The following ZNF561 variants were observed in gnomAD, a reference collection of about 807,000 sequenced individuals.
The protein encoded by ZNF561 is zinc finger protein 561.
Under a neutral mutation model 16.7 loss-of-function variants are expected in ZNF561, and 16 were observed. The observed-to-expected ratio is 0.96, with a 90% CI of 0.65 to 1.45. ZNF561 has a LOEUF of 1.45. Ranked by LOEUF, ZNF561 falls within the 40% of genes most tolerant of loss-of-function variation. ZNF561 has a pLI of 0.00. For synonymous variants in ZNF561, 190 were observed against 192.1 expected (o/e 0.99, Z 0.09); for missense variants, 580 against 578.0 (o/e 1.00, Z -0.04).
At chr19:9,613,110 G>T (rs1313030718) in intron 5 of ZNF561, among the ~76,000 whole-genome samples, 1 of 152,092 alleles carries the variant, frequency 6.6e-6, no homozygotes, top group Non-Finnish European at 1.5e-5. Flanking sequence ...AGATTTTCAT[G>T]AAACTGTGTA....
intron 5 of ZNF561, among the ~76,000 whole-genome samples, chr19:9,612,808 G>T (rs1356999874): frequency 6.6e-6 from 1 of 152,088 alleles, no homozygotes; most frequent in Non-Finnish European, 1.5e-5. Flanking sequence ...ATTATGCAGG[G>T]TGGTTTGAGA....
In ZNF561 at chr19:9,610,225, C is replaced by A; in HGVS notation, c.1436G>T (p.Cys479Phe). The change falls in exon 6 of 6, where the codon TGC (cysteine) becomes TTC (phenylalanine). Residue 479 changes from cysteine to phenylalanine, a missense_variant. Coordinates refer to ENST00000302851, the MANE Select transcript of ZNF561 (RefSeq NM_152289.3). ...RIHTGEKPYECKDMSVTI is the reference protein window; with the variant it reads ...RIHTGEKPYEFKDMSVTI ...CTAAATGGTAACACTCATATCCTTG[C>A]ATTCATAGGGTTTCTCCCCAGTGTG... is the stretch of plus-strand genomic sequence containing the variant. The A allele has an allele frequency of 1.2e-6, 2 of 1,604,562 alleles. No homozygotes were observed. Among genetic ancestry groups the A allele is most frequent in the East Asian group, 4.5e-5 (2 of 44,810 alleles).
chr19:9,616,863 G>A (rs2074563589), intron 4 of ZNF561, 182 bp downstream of exon 4: 3 of 685,696 alleles, frequency 4.4e-6, no homozygotes, highest in African/African-American at 3.6e-5. Context: ...CAAAGTGCTG[G>A]GATTACAGGC....
chr19:9,616,803 G>A, intron 4 of ZNF561, among the ~76,000 whole-genome samples: 1 of 151,150 alleles, frequency 6.6e-6, no homozygotes, highest in East Asian at 2.0e-4. Flanking sequence ...ACAGTGTTAG[G>A]CAGGATGGTC....
rs2074619614 is a variant in ZNF561 at position 9,619,473 on chromosome 19, T to C, written c.-17A>G. 6.2e-7 allele frequency: 1 copy of C among 1,612,742 alleles called. No individual in the cohort carries two copies. The highest frequency in any genetic ancestry group is 8.5e-7 in the Non-Finnish European group (1 of 1,179,202). ...GGCTGCCATTCTCTGAAGCTGATGG[T>C]GTGATGATGTGCATCCCTTCCTTGA... On this transcript the variant is annotated 5_prime_UTR_variant, in exon 2 of 6. Coordinates refer to ENST00000302851, the MANE Select transcript of ZNF561 (RefSeq NM_152289.3).
intron 4 of ZNF561, among the ~76,000 whole-genome samples, chr19:9,615,002 C>T (rs982398301): frequency 6.6e-6 from 1 of 151,884 alleles, no homozygotes; most frequent in Non-Finnish European, 1.5e-5. Flanking sequence ...CCACGTCTGG[C>T]TAATTTTTTG....
intron 5 of ZNF561, among the ~76,000 whole-genome samples, chr19:9,613,560 C>G (rs1483568661): frequency 6.6e-6 from 1 of 152,028 alleles, no homozygotes; most frequent in Non-Finnish European, 1.5e-5. Flanking sequence ...ACTCGGTCAA[C>G]CAGGCTGGAA....
chr19:9,615,346 T>C (rs1263005100), intron 4 of ZNF561, among the ~76,000 whole-genome samples: 3 of 151,606 alleles, frequency 2.0e-5, no homozygotes, highest in Admixed American at 6.6e-5. Context: ...CCTGTAATCC[T>C]AACACTTTGG....
At chr19:9,616,942 G>A (rs765553150) in intron 4 of ZNF561, 103 bp downstream of exon 4, 172 of 1,436,924 alleles carry the variant, frequency 1.2e-4, no homozygotes, top group Non-Finnish European at 1.5e-4. Flanking sequence ...GCCCATGCTA[G>A]TATCAAACTC....
intron 1 of ZNF561, among the ~76,000 whole-genome samples, chr19:9,619,861 A>G (rs28513269): frequency 7.7e-6 from 1 of 130,648 alleles, no homozygotes; most frequent in Non-Finnish European, 1.6e-5. Context: ...ATCTATCTAT[A>G]TTTATCTATC....
rs1383525890 is a variant in ZNF561 at position 9,614,013 on chromosome 19, A to G, written c.324+8T>C. ...AGGAAATTAAGAAATATCCCTCATGAATCTTACCATTTGTATCCCACTGAA... is the reference window on the plus strand; with the variant it reads ...AGGAAATTAAGAAATATCCCTCATGGATCTTACCATTTGTATCCCACTGAA... On this transcript the variant is annotated splice_region_variant and intron_variant, in intron 5 of 5. Transcript: ENST00000302851. 6.2e-7 allele frequency: 1 copy of G among 1,612,678 alleles called. No homozygotes were observed. The highest frequency in any genetic ancestry group is 1.7e-5 in the Admixed American group (1 of 59,982).
intron 5 of ZNF561, among the ~76,000 whole-genome samples, chr19:9,612,247 G>A (rs1432288177): frequency 6.6e-6 from 1 of 151,038 alleles, no homozygotes; most frequent in African/African-American, 2.4e-5. Flanking sequence ...TTATTTTTGA[G>A]ATGTAGTCTC....
At chr19:9,620,724 G>A (rs757066044) in intron 1 of ZNF561, among the ~76,000 whole-genome samples, 4 of 152,142 alleles carry the variant, frequency 2.6e-5, no homozygotes, top group Non-Finnish European at 5.9e-5. Flanking sequence ...ACGTACCTAA[G>A]ATGACTTAAG....
intron 5 of ZNF561, 48 bp downstream of exon 5, chr19:9,613,973 T>C (rs747113426): frequency 9.5e-5 from 153 of 1,602,166 alleles, no homozygotes; most frequent in Non-Finnish European, 1.3e-4. Context: ...TGGAATTCTC[T>C]ATCTTTTCTA....
In ZNF561 at chr19:9,614,996, G is replaced by A. The variant is rs748720309; in HGVS notation, c.242-893C>T. On this transcript the variant is annotated intron_variant, in intron 4 of 5. Coordinates refer to ENST00000302851, the MANE Select transcript of ZNF561 (RefSeq NM_152289.3). ...TGGGACTAAAGGCGTGTGCCACCACGTCTGGCTAATTTTTTGTATTTTTAG... is the reference window on the plus strand; with the variant it reads ...TGGGACTAAAGGCGTGTGCCACCACATCTGGCTAATTTTTTGTATTTTTAG... Among the ~76,000 whole-genome samples the A allele has an allele frequency of 2.4e-3, 363 of 151,980 alleles. 3 individuals are homozygous for A. Among genetic ancestry groups the A allele is most frequent in the Non-Finnish European group, 1.5e-3 (101 of 67,962 alleles).
intron 3 of ZNF561, chr19:9,617,732 G>T (rs1280116228): frequency 2.2e-6 from 1 of 458,308 alleles, no homozygotes; most frequent in African/African-American, 2.0e-5. Flanking sequence ...TGTCTATGCA[G>T]CACACTCCTC....
At chr19:9,617,450 T>C (rs1281739550) in intron 3 of ZNF561, 1 of 443,938 alleles carries the variant, frequency 2.3e-6, no homozygotes, top group Non-Finnish European at 3.1e-6. Context: ...ATTTTAAATT[T>C]TATTTTTATT....
Position 9,610,532 on chromosome 19 carries a change from A to G in ZNF561, c.1129T>C (p.Ser377Pro), listed in dbSNP as rs774916647. ...CKECGKAFTT[S>P]TSLIQHTRIH... ...CTTGTATGCTGAATAAGACTTGTGG[A>G]TGTAGTGAAGGCTTTCCCACATTCC... The change falls in exon 6 of 6, where the codon TCC becomes CCC. Residue 377 changes from serine to proline, a missense_variant. By Grantham distance (74) the Ser-to-Pro change is moderately conservative (BLOSUM62 -1). Coordinates refer to ENST00000302851, the MANE Select transcript of ZNF561 (RefSeq NM_152289.3). 7 of 1,613,888 alleles carry G rather than the reference A, an allele frequency of 4.3e-6. No individual in the cohort carries two copies. In the African/African-American group the frequency reaches 8.0e-5, roughly 18 times the overall value.
chr19:9,613,096 G>C (rs540847233), intron 5 of ZNF561, among the ~76,000 whole-genome samples: 1 of 152,278 alleles, frequency 6.6e-6, no homozygotes, highest in African/African-American at 2.4e-5. Context: ...CAGTCAAATA[G>C]TGTAGATTTT....
Sources: allele counts gnomAD v4.1 joint callset (sites outside exome capture counted in the v4.1 genomes callset), GRCh38; gene constraint gnomAD v4.1.1; transcripts MANE v1.5; gene names NCBI Gene and HGNC (gene_info 2026-07-23, HGNC 2026-07-21).